The following FARSB variants were observed in gnomAD, a reference collection of about 807,000 sequenced individuals.
FARSB encodes phenylalanine--tRNA ligase beta subunit.
FARSB carries 40 observed loss-of-function variants against 69.6 expected under a neutral mutation model. That is an observed-to-expected ratio of 0.57 (90% confidence interval 0.45 to 0.75). FARSB has a LOEUF of 0.75. FARSB is among the 30% of genes least tolerant of loss of function. The pLI is 0.00. For synonymous variants in FARSB, 235 were observed against 247.2 expected (o/e 0.95, Z 0.46); for missense variants, 632 against 722.9 (o/e 0.87, Z 1.44).
intron 16 of FARSB, among the ~76,000 whole-genome samples, chr2:222,595,007 A>G (rs192180591): frequency 6.6e-6 from 1 of 152,358 alleles, no homozygotes; most frequent in Admixed American, 6.5e-5. Context: ...TAATTCCTTC[A>G]AAGAAGCTAA....
Position 222,656,008 on chromosome 2 carries a change from C to G in FARSB, c.58+8G>C. Reference sequence around the variant, plus strand: ...GCGTAGGGCCCAACGTATAGGGCCGCCACTCACTGTAGGTGCGGCCCAGGG... The same window carrying G: ...GCGTAGGGCCCAACGTATAGGGCCGGCACTCACTGTAGGTGCGGCCCAGGG... On this transcript the variant is annotated splice_region_variant and intron_variant, in intron 1 of 16. Coordinates refer to ENST00000281828, the MANE Select transcript of FARSB (RefSeq NM_005687.5). 6.3e-7 allele frequency: 1 copy of G among 1,593,602 alleles called. No homozygotes were observed. Among genetic ancestry groups the G allele is most frequent in the Non-Finnish European group, 8.6e-7 (1 of 1,168,202 alleles).
rs772655732 is a variant in FARSB at position 222,619,689 on chromosome 2, T to C, written c.1300A>G (p.Thr434Ala). The C allele has an allele frequency of 6.2e-7, 1 of 1,608,632 alleles. No homozygotes were observed. The highest frequency in any genetic ancestry group is 1.1e-5 in the South Asian group (1 of 90,892). Residue 434 changes from threonine (T) to alanine (A), a missense_variant, in exon 14 of 17, where the codon ACA becomes GCA. Coordinates refer to ENST00000281828, the MANE Select transcript of FARSB (RefSeq NM_005687.5). ...GGATTACTTATGTGGACTGCCTTTG[T>C]TGCAGAGATATCCACACCTAGTTTA... is the stretch of plus-strand genomic sequence containing the variant. ...ADKLGVDISATKAVHISNPKT... is the reference protein window; with the variant it reads ...ADKLGVDISAAKAVHISNPKT...
intron 1 of FARSB, among the ~76,000 whole-genome samples, chr2:222,650,991 C>G (rs990064150): frequency 6.6e-6 from 1 of 152,006 alleles, no homozygotes; most frequent in African/African-American, 2.4e-5. Context: ...GACTTTAGTC[C>G]CTGGAAGTGG....
intron 10 of FARSB, among the ~76,000 whole-genome samples, chr2:222,626,198 G>T (rs538739134): frequency 3.9e-4 from 51 of 130,580 alleles, no homozygotes; most frequent in Non-Finnish European, 3.1e-4. Flanking sequence ...GCAGTGAGCT[G>T]ATGCTACTGC....
chr2:222,621,276 T>A (rs1691127961), intron 13 of FARSB, among the ~76,000 whole-genome samples: 1 of 152,214 alleles, frequency 6.6e-6, no homozygotes, highest in Non-Finnish European at 1.5e-5. Context: ...GTGGCAGTAG[T>A]TAGTACACAG....
At chr2:222,616,605 G>T (rs1197515306) in intron 14 of FARSB, among the ~76,000 whole-genome samples, 2 of 151,298 alleles carry the variant, frequency 1.3e-5, no homozygotes, top group African/African-American at 4.9e-5. Flanking sequence ...CTGGATATGT[G>T]AGGTGATTAA....
intron 16 of FARSB, among the ~76,000 whole-genome samples, chr2:222,595,470 C>T (rs1264127493): frequency 1.3e-5 from 2 of 152,164 alleles, no homozygotes; most frequent in Non-Finnish European, 2.9e-5. Context: ...ACTGTGTATA[C>T]AGATGGTACA....
At chr2:222,588,916 G>A (rs1268418372) in intron 16 of FARSB, among the ~76,000 whole-genome samples, 16 of 152,212 alleles carry the variant, frequency 1.1e-4, no homozygotes, top group Admixed American at 6.5e-4. Flanking sequence ...AATCAATATC[G>A]TGAAAATGGC....
At chr2:222,626,053 C>T (rs1001961044) in intron 10 of FARSB, among the ~76,000 whole-genome samples, 1 of 151,890 alleles carries the variant, frequency 6.6e-6, no homozygotes, top group African/African-American at 2.4e-5. Context: ...TCGAGACCAG[C>T]CTGGCCAATG....
chr2:222,604,680 T>A (rs1690654000), intron 15 of FARSB, among the ~76,000 whole-genome samples: 1 of 150,920 alleles, frequency 6.6e-6, no homozygotes, highest in Non-Finnish European at 1.5e-5. Context: ...CTCAGCCTCC[T>A]GAGTAGCTGG....
At chr2:222,629,037 C>T in intron 9 of FARSB, 149 bp from the exon 10 acceptor site, 1 of 624,948 alleles carries the variant, frequency 1.6e-6, no homozygotes, top group Non-Finnish European at 2.8e-6. Context: ...TTGGATTGAT[C>T]TTGCTATAAA....
intron 1 of FARSB, among the ~76,000 whole-genome samples, chr2:222,654,614 G>C (rs563024762): frequency 6.6e-6 from 1 of 152,306 alleles, no homozygotes; most frequent in African/African-American, 2.4e-5. Flanking sequence ...TAGGCGATTA[G>C]AGCCAAGTAC....
chr2:222,640,777 G>C, intron 4 of FARSB, 85 bp downstream of exon 4: 2 of 702,096 alleles, frequency 2.8e-6, no homozygotes, highest in Non-Finnish European at 4.9e-6. Flanking sequence ...AAAAGAGTAA[G>C]CTTTGTTTCT....
chr2:222,571,618 G>A lies in FARSB; in HGVS notation c.*253C>T, dbSNP rs1689718589. 5.5e-6 allele frequency: 2 copies of A among 366,676 alleles called. No homozygotes were observed. Among genetic ancestry groups the A allele is most frequent in the Non-Finnish European group, 9.9e-6 (2 of 202,684 alleles). The allele number at this position is 366,676 out of a possible 1,614,324, so 22.7% of individuals were successfully genotyped here. On this transcript the variant is annotated 3_prime_UTR_variant, in exon 17 of 17. Coordinates refer to ENST00000281828, the MANE Select transcript of FARSB (RefSeq NM_005687.5). The stretch of plus-strand genomic sequence containing the variant: ...TCAGAACAGATCCTGCACTCTGCTA[G>A]TGCATTTCTCCAGCACTCCACGGGG...
At chr2:222,581,387 C>T (rs1689965815) in intron 16 of FARSB, among the ~76,000 whole-genome samples, 1 of 152,144 alleles carries the variant, frequency 6.6e-6, no homozygotes, top group Admixed American at 6.5e-5. Context: ...CTGGAGAAGA[C>T]AGATCTCTAA....
intron 10 of FARSB, among the ~76,000 whole-genome samples, chr2:222,626,243 C>CAGAA (rs1691271572): frequency 1.8e-5 from 1 of 56,972 alleles, no homozygotes; most frequent in African/African-American, 6.6e-5. Context: ...GACTCCATCT[C>CAGAA]AAAAAAAAAA....
intron 1 of FARSB, among the ~76,000 whole-genome samples, chr2:222,650,157 C>T (rs905927435): frequency 4.6e-5 from 7 of 152,026 alleles, no homozygotes; most frequent in Non-Finnish European, 7.4e-5. Context: ...GATTGTGGGG[C>T]GTGAAACAGC....
chr2:222,612,101 A>G (rs1200126586), intron 15 of FARSB, among the ~76,000 whole-genome samples: 1 of 152,224 alleles, frequency 6.6e-6, no homozygotes, highest in Non-Finnish European at 1.5e-5. Flanking sequence ...CTAACAGAAA[A>G]ATTTGACAAT....
At chr2:222,612,267 G>A (rs1005432763) in intron 15 of FARSB, among the ~76,000 whole-genome samples, 6 of 152,154 alleles carry the variant, frequency 3.9e-5, no homozygotes, top group Admixed American at 6.5e-5. Context: ...TATTAAACAC[G>A]AACTTTCATT....
Sources: allele counts gnomAD v4.1 joint callset (sites outside exome capture counted in the v4.1 genomes callset), GRCh38; gene constraint gnomAD v4.1.1; transcripts MANE v1.5; gene names NCBI Gene and HGNC (gene_info 2026-07-23, HGNC 2026-07-21).